Variants in LRRTM4 observed in about 807,000 individuals in gnomAD.
LRRTM4 encodes the protein leucine-rich repeat transmembrane neuronal protein 4.
Under a neutral mutation model 47.6 loss-of-function variants are expected in LRRTM4, and 25 were observed. The observed-to-expected ratio is 0.53, with a 90% confidence interval of 0.38 to 0.73. LRRTM4 has a LOEUF of 0.73. LRRTM4 is among the 30% of genes least tolerant of loss of function. The pLI is 0.00. For synonymous variants in LRRTM4, 311 were observed against 269.5 expected (o/e 1.15, Z -1.51); for missense variants, 638 against 713.4 (o/e 0.89, Z 1.20).
At chr2:77,356,269 T>C (rs2104305534) in intron 3 of LRRTM4, among the ~76,000 whole-genome samples, 1 of 152,312 alleles carries the variant, frequency 6.6e-6, no homozygotes, top group East Asian at 1.9e-4. Context: ...CTGAAGAACA[T>C]TTCAAAGAAA....
chr2:76,924,271 G>C (rs964795482), intron 3 of LRRTM4, among the ~76,000 whole-genome samples: 3 of 152,062 alleles, frequency 2.0e-5, no homozygotes, highest in Non-Finnish European at 4.4e-5. Context: ...CTAAGGTACT[G>C]AAATTGCACC....
At chr2:76,794,576 T>C (rs548094799) in intron 3 of LRRTM4, among the ~76,000 whole-genome samples, 1 of 152,344 alleles carries the variant, frequency 6.6e-6, no homozygotes, top group East Asian at 1.9e-4. Context: ...TGCTTTTTAT[T>C]GATTTTACTA....
In LRRTM4 at chr2:76,768,261, C is replaced by T. The variant is rs531830849; in HGVS notation, c.1552-19345G>A. On this transcript the variant is annotated intron_variant, in intron 3 of 3. Coordinates refer to ENST00000409884, the MANE Select transcript of LRRTM4 (RefSeq NM_001134745.3). ...AAAAGTATATTGGTTTCTTTACATG[C>T]AACAATTCTAAGAATGGTAACTTCT... 6.6e-4 allele frequency among the ~76,000 whole-genome samples: 100 copies of T among 152,210 alleles called. 1 individual carries two copies. Among genetic ancestry groups the T allele is most frequent in the African/African-American group, 2.2e-3 (92 of 41,546 alleles).
At chr2:77,321,555 G>C (rs867894102) in intron 3 of LRRTM4, among the ~76,000 whole-genome samples, 70 of 87,568 alleles carry the variant, frequency 8.0e-4, no homozygotes, top group African/African-American at 1.5e-3. Context: ...ATCGGGGAGG[G>C]GGGGGGGTGT....
rs1193959301 is a variant in LRRTM4 at position 77,209,085 on chromosome 2, A to T, written c.1551+309233T>A. On this transcript the variant is annotated intron_variant, in intron 3 of 3. Transcript: ENST00000409884. ...GTCCTATCACCAGCGCTCTCTCCTC[A>T]CATGGCTCCCTCCATTCCAATTTCC... Among the ~76,000 whole-genome samples, 9 of 152,066 alleles carry T rather than the reference A, an allele frequency of 5.9e-5. 1 individual carries two copies. Among genetic ancestry groups the T allele is most frequent in the Admixed American group, 5.9e-4 (9 of 15,254 alleles).
intron 3 of LRRTM4, among the ~76,000 whole-genome samples, chr2:77,034,905 C>T (rs956645639): frequency 6.6e-6 from 1 of 151,500 alleles, no homozygotes; most frequent in African/African-American, 2.4e-5. Context: ...ATTAGTTTAC[C>T]CAGTGTTACA....
At chr2:77,276,364 AGAAG>A (rs1461233776) in intron 3 of LRRTM4, among the ~76,000 whole-genome samples, 32 of 138,524 alleles carry the variant, frequency 2.3e-4, no homozygotes, top group East Asian at 1.2e-3. Context: ...AAGGAAGGAG[AGAAG>A]GAAGGAAGGA....
At chr2:76,875,357 TTACA>T (rs1218330068) in intron 3 of LRRTM4, among the ~76,000 whole-genome samples, 1 of 152,124 alleles carries the variant, frequency 6.6e-6, no homozygotes, top group African/African-American at 2.4e-5. Flanking sequence ...TCTATATGGT[TTACA>T]TAAACTTTGT....
At chr2:76,896,335 A>G (rs1260306860) in intron 3 of LRRTM4, among the ~76,000 whole-genome samples, 1 of 152,060 alleles carries the variant, frequency 6.6e-6, no homozygotes, top group Non-Finnish European at 1.5e-5. Context: ...TCAGGGCCAA[A>G]AAGTAAAATA....
intron 3 of LRRTM4, among the ~76,000 whole-genome samples, chr2:76,873,096 G>C (rs557806706): frequency 6.6e-6 from 1 of 152,006 alleles, no homozygotes; most frequent in South Asian, 2.1e-4. Context: ...CAACACAACT[G>C]AACTAAGACA....
At chr2:77,433,147 A>C (rs1675452172) in intron 3 of LRRTM4, among the ~76,000 whole-genome samples, 1 of 152,128 alleles carries the variant, frequency 6.6e-6, no homozygotes, top group Admixed American at 6.5e-5. Context: ...CTGGAAATTA[A>C]ATTTCTTAAA....
At chr2:76,972,736 C>A (rs1396056729) in intron 3 of LRRTM4, among the ~76,000 whole-genome samples, 6 of 151,722 alleles carry the variant, frequency 4.0e-5, no homozygotes, top group African/African-American at 1.2e-4. Context: ...ACTTTTATAC[C>A]CTCTTTCTGT....
chr2:76,963,613 T>C (rs1350241477), intron 3 of LRRTM4, among the ~76,000 whole-genome samples: 1 of 150,976 alleles, frequency 6.6e-6, no homozygotes, highest in Non-Finnish European at 1.5e-5. Context: ...ATCTAAGCTA[T>C]AAAATAAAAA....
intron 3 of LRRTM4, among the ~76,000 whole-genome samples, chr2:76,779,140 T>C (rs1031451691): frequency 2.0e-5 from 3 of 151,840 alleles, no homozygotes; most frequent in African/African-American, 4.8e-5. Context: ...TTGTTATAAT[T>C]TCTGTTCTTT....
At chr2:76,991,630 T>C (rs1461428231) in intron 3 of LRRTM4, among the ~76,000 whole-genome samples, 2 of 151,592 alleles carry the variant, frequency 1.3e-5, no homozygotes, top group Non-Finnish European at 3.0e-5. Context: ...GTTCTGAAAT[T>C]GCATCAATCA....
intron 3 of LRRTM4, among the ~76,000 whole-genome samples, chr2:77,463,424 C>G (rs577095476): frequency 8.5e-4 from 129 of 152,124 alleles, no homozygotes; most frequent in African/African-American, 2.9e-3. Flanking sequence ...TTAACATATT[C>G]TTTTTACCCA....
intron 3 of LRRTM4, among the ~76,000 whole-genome samples, chr2:76,786,099 C>A (rs1013553155): frequency 6.6e-6 from 1 of 152,128 alleles, no homozygotes; most frequent in South Asian, 2.1e-4. Flanking sequence ...TTTCAACCCT[C>A]ACCTCAACTT....
At chr2:76,807,394 ATATAT>A (rs1558667166) in intron 3 of LRRTM4, among the ~76,000 whole-genome samples, 4 of 122,400 alleles carry the variant, frequency 3.3e-5, no homozygotes, top group Admixed American at 8.8e-5. Flanking sequence ...ATATATATAT[ATATAT>A]GTATATACGT....
At chr2:77,352,838 A>T (rs189736005) in intron 3 of LRRTM4, among the ~76,000 whole-genome samples, 1 of 152,230 alleles carries the variant, frequency 6.6e-6, no homozygotes, top group Non-Finnish European at 1.5e-5. Context: ...AATAACATAA[A>T]AACTAAAAGC....
Sources: allele counts gnomAD v4.1 joint callset (sites outside exome capture counted in the v4.1 genomes callset), GRCh38; gene constraint gnomAD v4.1.1; transcripts MANE v1.5; gene names NCBI Gene and HGNC (gene_info 2026-07-23, HGNC 2026-07-21).